CHCHD6: variants seen among roughly 807,000 people sequenced by gnomAD.
The protein encoded by CHCHD6 is MICOS complex subunit MIC25.
In CHCHD6, 28 loss-of-function variants were observed where a neutral mutation model predicts 32.3. The ratio of observed to expected loss-of-function variants is 0.87; its 90% CI spans 0.64 to 1.19. The LOEUF (loss-of-function observed/expected upper bound fraction) is 1.19, where lower values mean the gene tolerates loss of function less well. Among genes scored for constraint, CHCHD6 ranks in the 50% most tolerant of loss-of-function variants. The pLI, the probability that CHCHD6 is intolerant of heterozygous loss-of-function variation, is 0.00. For synonymous variants in CHCHD6, 122 were observed against 117.5 expected (o/e 1.04, Z -0.25); for missense variants, 333 against 307.0 (o/e 1.08, Z -0.63).
At chr3:126,786,289 CAT>C (rs1458420267) in intron 4 of CHCHD6, among the ~76,000 whole-genome samples, 14 of 152,296 alleles carry the variant, frequency 9.2e-5, no homozygotes, top group South Asian at 2.1e-4. Flanking sequence ...AATAAACATA[CAT>C]GTGTGTGTGT....
intron 1 of CHCHD6, among the ~76,000 whole-genome samples, chr3:126,724,088 A>C (rs1935430296): frequency 6.6e-6 from 1 of 152,208 alleles, no homozygotes; most frequent in African/African-American, 2.4e-5. Flanking sequence ...AAATTAGTCA[A>C]GCAGTATTTG....
intron 6 of CHCHD6, among the ~76,000 whole-genome samples, chr3:126,927,292 C>T (rs1242042269): frequency 3.3e-5 from 5 of 152,192 alleles, no homozygotes; most frequent in African/African-American, 4.8e-5. Flanking sequence ...GTCTGCTGTC[C>T]ACCACCAGGG....
intron 2 of CHCHD6, among the ~76,000 whole-genome samples, chr3:126,728,269 A>G (rs1935629801): frequency 6.6e-6 from 1 of 152,146 alleles, no homozygotes; most frequent in Non-Finnish European, 1.5e-5. Context: ...ATGGAGACTG[A>G]TGAGTTATGT....
chr3:126,904,122 C>A (rs1313610932), intron 5 of CHCHD6, among the ~76,000 whole-genome samples: 1 of 152,130 alleles, frequency 6.6e-6, no homozygotes, highest in East Asian at 1.9e-4. Flanking sequence ...TTTCTGTTAT[C>A]TTCTTATATA....
intron 4 of CHCHD6, among the ~76,000 whole-genome samples, chr3:126,818,744 T>C (rs1273869793): frequency 1.3e-5 from 2 of 152,202 alleles, no homozygotes; most frequent in East Asian, 1.9e-4. Flanking sequence ...CAAACAGCAG[T>C]CCTGGCCCTT....
chr3:126,757,884 A>G (rs1206710459), intron 4 of CHCHD6, among the ~76,000 whole-genome samples: 1 of 152,174 alleles, frequency 6.6e-6, no homozygotes, highest in East Asian at 1.9e-4. Context: ...GGGAGGAGAA[A>G]GAGGAAGAAA....
intron 7 of CHCHD6, chr3:126,957,893 G>C: frequency 5.0e-6 from 2 of 403,950 alleles, no homozygotes; most frequent in East Asian, 5.4e-5. Flanking sequence ...TCGGCACTTA[G>C]GGGTGGGAGG....
At chr3:126,922,359 A>T (rs1183310825) in intron 6 of CHCHD6, among the ~76,000 whole-genome samples, 1 of 152,180 alleles carries the variant, frequency 6.6e-6, no homozygotes, top group Non-Finnish European at 1.5e-5. Flanking sequence ...TAAAACAGGG[A>T]CGATGGTGGT....
intron 5 of CHCHD6, among the ~76,000 whole-genome samples, chr3:126,902,707 A>C (rs1576579439): frequency 2.2e-5 from 3 of 136,868 alleles, no homozygotes; most frequent in African/African-American, 5.7e-5. Flanking sequence ...ACAGAGCAAG[A>C]CTCCATCTCA....
intron 4 of CHCHD6, among the ~76,000 whole-genome samples, chr3:126,819,562 T>A (rs573659627): frequency 1.1e-3 from 173 of 152,346 alleles, no homozygotes; most frequent in African/African-American, 3.9e-3. Context: ...ATGACTGCCA[T>A]GGAGGTATGG....
chr3:126,869,295 T>C (rs1160044023), intron 5 of CHCHD6, among the ~76,000 whole-genome samples: 2 of 150,440 alleles, frequency 1.3e-5, no homozygotes, highest in African/African-American at 4.9e-5. Flanking sequence ...CTCCTTTTTT[T>C]TTTTTTTTTT....
At chr3:126,785,035 T>C (rs1250150915) in intron 4 of CHCHD6, among the ~76,000 whole-genome samples, 1 of 152,182 alleles carries the variant, frequency 6.6e-6, no homozygotes, top group Admixed American at 6.5e-5. Flanking sequence ...TACAAAAATG[T>C]TTAATTCCCA....
At chr3:126,771,833 G>T (rs1937548397) in intron 4 of CHCHD6, among the ~76,000 whole-genome samples, 2 of 152,100 alleles carry the variant, frequency 1.3e-5, no homozygotes, top group South Asian at 4.1e-4. Context: ...CTGGTATGTT[G>T]TATCTTTGTT....
At chr3:126,808,263 A>T (rs1302820127) in intron 4 of CHCHD6, among the ~76,000 whole-genome samples, 1 of 152,130 alleles carries the variant, frequency 6.6e-6, no homozygotes, top group African/African-American at 2.4e-5. Flanking sequence ...AGAAAGAGAG[A>T]GTGTGAACAA....
intron 4 of CHCHD6, among the ~76,000 whole-genome samples, chr3:126,811,521 G>A (rs367735566): frequency 1.4e-4 from 21 of 150,986 alleles, no homozygotes; most frequent in East Asian, 5.8e-4. Context: ...TGTTATTTCC[G>A]TTCTAATTCT....
intron 6 of CHCHD6, among the ~76,000 whole-genome samples, chr3:126,923,124 A>T (rs893162688): frequency 6.6e-6 from 1 of 152,170 alleles, no homozygotes; most frequent in Non-Finnish European, 1.5e-5. Context: ...CATCTCAGCC[A>T]TGTGGGGTTG....
At chr3:126,767,963 T>A (rs1056242479) in intron 4 of CHCHD6, among the ~76,000 whole-genome samples, 3 of 152,224 alleles carry the variant, frequency 2.0e-5, no homozygotes, top group Admixed American at 6.5e-5. Context: ...TTCCATGGTG[T>A]ACATGTACCA....
At chr3:126,737,846 G>GC (rs1936117963) in intron 4 of CHCHD6, among the ~76,000 whole-genome samples, 3 of 152,080 alleles carry the variant, frequency 2.0e-5, no homozygotes, top group Admixed American at 6.5e-5. Context: ...GGCTAGAGGG[G>GC]CCCACAGTGT....
chr3:126,761,175 A>G (rs989653641), intron 4 of CHCHD6, among the ~76,000 whole-genome samples: 9 of 152,206 alleles, frequency 5.9e-5, no homozygotes, highest in Admixed American at 3.3e-4. Flanking sequence ...TTGTTGGATC[A>G]TGGATTAATT....
Sources: allele counts gnomAD v4.1 joint callset (sites outside exome capture counted in the v4.1 genomes callset), GRCh38; gene constraint gnomAD v4.1.1; transcripts MANE v1.5; gene names NCBI Gene and HGNC (gene_info 2026-07-23, HGNC 2026-07-21).